Variants in MYCBP2 observed in about 807,000 individuals in gnomAD.
MYCBP2 encodes MYC binding protein 2, also known as E3 ubiquitin-protein ligase MYCBP2.
Under a neutral mutation model 525.3 loss-of-function variants are expected in MYCBP2, and 120 were observed. That is an observed-to-expected ratio of 0.23 (90% CI 0.20 to 0.27). MYCBP2 has a LOEUF of 0.27. Ranked by LOEUF, MYCBP2 falls within the 10% of genes least tolerant of loss-of-function variation. The probability of loss-of-function intolerance (pLI) is 1.00; values close to 1 mark genes in which losing one functional copy is unlikely to be tolerated. For missense variants in MYCBP2, 4,149 were observed against 5,657.1 expected, an observed-to-expected ratio of 0.73 and a Z score of 8.55; for synonymous variants, 1,894 against 1,955.8, an observed-to-expected ratio of 0.97 and a Z score of 0.83.
Position 77,067,819 on chromosome 13 carries a change from G to A in MYCBP2, c.12217C>T (p.Arg4073Cys), listed in dbSNP as rs377379998. 8.7e-6 allele frequency: 14 copies of A among 1,613,966 alleles called. No homozygotes were observed. Among genetic ancestry groups the A allele is most frequent in the African/African-American group, 1.3e-5 (1 of 74,930 alleles). Reference protein sequence around the residue: ...RRVLPEVTPSRLASIIGVKSL... With the variant: ...RRVLPEVTPSCLASIIGVKSL... ...TTCACTCCTATGATGCTGGCCAGAC[G>A]ACTAGGGGTTACTTCAGGCAAAACT... is the stretch of plus-strand genomic sequence containing the variant. The change falls in exon 71 of 83, where the codon CGT becomes TGT. Residue 4073 changes from arginine to cysteine, a missense_variant. Physicochemically the swap from Arg to Cys is radical, Grantham distance 180 (BLOSUM62 -3). Coordinates refer to ENST00000544440, the MANE Select transcript of MYCBP2 (RefSeq NM_015057.5).
chr13:77,182,278 A>T (rs896800309), intron 32 of MYCBP2, among the ~76,000 whole-genome samples: 2 of 152,234 alleles, frequency 1.3e-5, no homozygotes, highest in African/African-American at 4.8e-5. Flanking sequence ...GGTATTTTCA[A>T]TAAGGACTGA....
intron 17 of MYCBP2, among the ~76,000 whole-genome samples, chr13:77,234,643 T>G (rs1368265566): frequency 1.3e-5 from 2 of 152,022 alleles, no homozygotes; most frequent in Non-Finnish European, 2.9e-5. Context: ...CCAATTATTT[T>G]CTCAGGCTAA....
At chr13:77,053,469 G>C (rs1269363738) in intron 80 of MYCBP2, among the ~76,000 whole-genome samples, 3 of 152,120 alleles carry the variant, frequency 2.0e-5, no homozygotes, top group Non-Finnish European at 2.9e-5. Context: ...CCAAAGACAG[G>C]ATCCATTGAT....
intron 1 of MYCBP2, among the ~76,000 whole-genome samples, chr13:77,320,119 T>C (rs894049305): frequency 8.5e-5 from 13 of 152,188 alleles, no homozygotes; most frequent in Non-Finnish European, 1.3e-4. Flanking sequence ...GCAAAAGCGC[T>C]AGGCATTTAT....
At chr13:77,248,297 G>T (rs2070439755) in intron 15 of MYCBP2, among the ~76,000 whole-genome samples, 1 of 152,010 alleles carries the variant, frequency 6.6e-6, no homozygotes, top group African/African-American at 2.4e-5. Flanking sequence ...TTTTCTGCTT[G>T]AAAAGACAAC....
At chr13:77,141,770 CAAAA>C (rs34124996) in intron 49 of MYCBP2, among the ~76,000 whole-genome samples, 1 of 81,708 alleles carries the variant, frequency 1.2e-5, no homozygotes, top group Non-Finnish European at 2.6e-5. Context: ...GACTCTGTCT[CAAAA>C]AAAAAAAAAA....
At chr13:77,155,959 G>A (rs2057166513) in intron 46 of MYCBP2, 99 bp downstream of exon 46, 4 of 1,147,138 alleles carry the variant, frequency 3.5e-6, no homozygotes, top group Non-Finnish European at 4.9e-6. Flanking sequence ...TATAAAGAGG[G>A]TAGAACAAAT....
At chr13:77,117,413 A>G (rs1308730691) in intron 55 of MYCBP2, among the ~76,000 whole-genome samples, 1 of 152,134 alleles carries the variant, frequency 6.6e-6, no homozygotes, top group Non-Finnish European at 1.5e-5. Context: ...TGGATAAAGT[A>G]ATGAATAATA....
At chr13:77,215,784 T>C (rs2064735725) in intron 21 of MYCBP2, among the ~76,000 whole-genome samples, 1 of 152,204 alleles carries the variant, frequency 6.6e-6, no homozygotes, top group Admixed American at 6.5e-5. Flanking sequence ...TCTCACTATG[T>C]TGTCCAGGCT....
chr13:77,205,118 C>T (rs1165421356), intron 26 of MYCBP2, 138 bp downstream of exon 26: 2 of 685,764 alleles, frequency 2.9e-6, no homozygotes, highest in Admixed American at 4.2e-5. Flanking sequence ...TTCTCTATCG[C>T]TTTTTAAAAA....
rs764345267 is a variant in MYCBP2, at chr13:77,224,505, T to C, written c.2885A>G (p.Tyr962Cys). 4.4e-6 allele frequency: 7 copies of C among 1,608,340 alleles called. No homozygotes were observed. The Admixed American group carries it at 5.0e-5, about 12-fold the overall frequency. ...SVVLMENGDV[Y>C]TFGYGQHGQL... ...CCCATGCTGCCCATAACCAAATGTA[T>C]AGACATCTCCATTTTCCATTAAAAC... The change falls in exon 20 of 83, where the codon TAT (tyrosine) becomes TGT (cysteine). Residue 962 changes from tyrosine to cysteine, a missense_variant. Coordinates refer to ENST00000544440, the MANE Select transcript of MYCBP2 (RefSeq NM_015057.5).
chr13:77,134,684 T>C (rs1031030004), intron 52 of MYCBP2, among the ~76,000 whole-genome samples: 6 of 152,188 alleles, frequency 3.9e-5, no homozygotes, highest in Non-Finnish European at 5.9e-5. Context: ...TTTAGCTCTA[T>C]CTTTCCCATT....
chr13:77,102,777 T>C (rs1174185940), intron 55 of MYCBP2, among the ~76,000 whole-genome samples: 6 of 151,764 alleles, frequency 4.0e-5, no homozygotes, highest in Non-Finnish European at 8.8e-5. Flanking sequence ...TCAGTGTTTC[T>C]CATAAAAGAC....
intron 24 of MYCBP2, among the ~76,000 whole-genome samples, chr13:77,206,068 G>A (rs1404483498): frequency 6.6e-6 from 1 of 152,070 alleles, no homozygotes; most frequent in Non-Finnish European, 1.5e-5. Context: ...TTTCACACCT[G>A]CAAGTGCTAG....
chr13:77,251,190 C>G lies in MYCBP2; in HGVS notation c.2342G>C (p.Ser781Thr). 6.2e-7 allele frequency: 1 copy of G among 1,614,160 alleles called. No homozygotes were observed. The highest frequency in any genetic ancestry group is 8.5e-7 in the Non-Finnish European group (1 of 1,180,038). ...GTCTGGCCGTCCACTACTGACACAG[C>G]TGGCTCCATAACCTGTACAGTCTCC... Reference protein sequence around the residue: ...VCGDCTGYGASCVSSGRPDRV... With the variant: ...VCGDCTGYGATCVSSGRPDRV... The change falls in exon 15 of 83, where the codon AGC becomes ACC. Residue 781 changes from serine to threonine, a missense_variant. Transcript: ENST00000544440.
chr13:77,156,313 A>G, intron 45 of MYCBP2, 111 bp from the exon 46 acceptor site: 2 of 970,638 alleles, frequency 2.1e-6, no homozygotes, highest in Non-Finnish European at 2.9e-6. Flanking sequence ...CAAAATGCTA[A>G]AACATTATCT....
Position 77,318,346 on chromosome 13 carries a change from T to C in MYCBP2, c.302+8128A>G, listed in dbSNP as rs940687055. Among the ~76,000 whole-genome samples the C allele has an allele frequency of 2.0e-5, 3 of 152,230 alleles. No homozygotes were observed. In the East Asian group the frequency reaches 5.8e-4, roughly 29 times the overall value. ...GGCCAAAAGAAATACCAAACAGTAG[T>C]GTTTATTAAGTAGTTAGATCCAAAT... is the stretch of plus-strand genomic sequence containing the variant. On this transcript the variant is annotated intron_variant, in intron 1 of 82. Transcript: ENST00000544440.
intron 30 of MYCBP2, among the ~76,000 whole-genome samples, chr13:77,187,706 A>C (rs200975511): frequency 1.3e-5 from 2 of 152,206 alleles, no homozygotes; most frequent in Non-Finnish European, 2.9e-5. Flanking sequence ...CATGTTGTAG[A>C]GCATCCTGTA....
intron 63 of MYCBP2, 56 bp from the exon 64 acceptor site, chr13:77,082,049 AG>A: frequency 6.6e-7 from 1 of 1,520,086 alleles, no homozygotes; most frequent in Non-Finnish European, 9.0e-7. Context: ...GGAACATCTA[AG>A]GAACTCTTAG....
Sources: allele counts gnomAD v4.1 joint callset (sites outside exome capture counted in the v4.1 genomes callset), GRCh38; gene constraint gnomAD v4.1.1; transcripts MANE v1.5; gene names NCBI Gene and HGNC (gene_info 2026-07-23, HGNC 2026-07-21).